SCLT1: variants seen among roughly 807,000 people sequenced by gnomAD.
The protein encoded by SCLT1 is sodium channel-associated protein 1.
A neutral mutation model predicts 112.8 loss-of-function variants in SCLT1; 78 were observed. The observed-to-expected ratio is 0.69, with a 90% CI of 0.58 to 0.83. The LOEUF is 0.83. Among genes scored for constraint, SCLT1 ranks in the 40% least tolerant of loss-of-function variants. The probability of loss-of-function intolerance (pLI) is 0.00; values close to 1 mark genes in which losing one functional copy is unlikely to be tolerated. For synonymous variants in SCLT1, 257 were observed against 254.7 expected (o/e 1.01, Z -0.09); for missense variants, 747 against 770.4 (o/e 0.97, Z 0.36).
At position 128,955,254 on chromosome 4, in the gene SCLT1, T is replaced by C. The variant is rs185041219; in HGVS notation, c.1146+1772A>G. Among the ~76,000 whole-genome samples, 133 of 152,338 alleles carry C rather than the reference T, an allele frequency of 8.7e-4. 1 individual carries two copies. In the Middle Eastern group the frequency reaches 0.031, roughly 35 times the overall value. ...TTTGAAGTCTGTAGAGGGACTAATA[T>C]CCTTCTCTCATCCTAACCTCACTTT... On this transcript the variant is annotated intron_variant, in intron 13 of 20. Coordinates refer to ENST00000281142, the MANE Select transcript of SCLT1 (RefSeq NM_144643.4).
chr4:128,895,290 T>A (rs1310657783), intron 18 of SCLT1, among the ~76,000 whole-genome samples: 3 of 152,250 alleles, frequency 2.0e-5, no homozygotes, highest in Non-Finnish European at 4.4e-5. Context: ...CTTCTTTGAG[T>A]GATAATCTTC....
At chr4:128,879,503 G>A (rs767055914), downstream of SCLT1, among the ~76,000 whole-genome samples, 20 of 152,144 alleles carry the variant, frequency 1.3e-4, no homozygotes, top group Non-Finnish European at 2.5e-4. Flanking sequence ...TTCTGGTGTT[G>A]ACCAGATCTG....
intron 14 of SCLT1, among the ~76,000 whole-genome samples, chr4:128,949,912 C>T (rs924177830): frequency 4.0e-5 from 6 of 151,042 alleles, no homozygotes; most frequent in East Asian, 1.9e-4. Flanking sequence ...CTGTACACTA[C>T]GTACTAATGA....
chr4:129,028,839 A>G (rs1746404109), intron 5 of SCLT1, among the ~76,000 whole-genome samples: 1 of 152,068 alleles, frequency 6.6e-6, no homozygotes, highest in Admixed American at 6.6e-5. Flanking sequence ...AACAAAAAAA[A>G]AACCATCCCA....
exon 5 of SCLT1, chr4:128,874,459 A>C (rs1372747553): frequency 2.0e-5 from 3 of 152,492 alleles, no homozygotes; most frequent in African/African-American, 7.2e-5. Context: ...CAAATGTTCC[A>C]AGTTATGCTG....
intron 2 of SCLT1, among the ~76,000 whole-genome samples, chr4:129,062,291 C>T (rs541137575): frequency 7.2e-5 from 11 of 152,130 alleles, no homozygotes; most frequent in East Asian, 1.9e-4. Context: ...CACTCACTCT[C>T]GGTTATTTTT....
Position 129,006,166 on chromosome 4 carries a change from TA to T in SCLT1, c.291-2291del, listed in dbSNP as rs201185207. Among the ~76,000 whole-genome samples the T allele has an allele frequency of 5.1e-3, 769 of 151,784 alleles. 4 individuals are homozygous for T. Among genetic ancestry groups the T allele is most frequent in the African/African-American group, 0.016 (668 of 41,382 alleles). On this transcript the variant is annotated intron_variant, in intron 5 of 20. Transcript: ENST00000281142. ...ATGTACCCTAAAACTTAAAGTATAA[TA>T]AAAAAAATTCATTTAATAAAAAAAT...
At chr4:129,074,320 A>G (rs1409265847) in intron 2 of SCLT1, among the ~76,000 whole-genome samples, 1 of 152,212 alleles carries the variant, frequency 6.6e-6, no homozygotes, top group Non-Finnish European at 1.5e-5. Flanking sequence ...ATTTTCTAAT[A>G]ACAATTGCTA....
chr4:129,022,826 C>A (rs1560976416), intron 5 of SCLT1, among the ~76,000 whole-genome samples: 1 of 152,074 alleles, frequency 6.6e-6, no homozygotes, highest in Non-Finnish European at 1.5e-5. Flanking sequence ...AGAAGAGCAA[C>A]CCTAAGTCAC....
At chr4:128,927,232 A>G (rs1170044225) in intron 18 of SCLT1, among the ~76,000 whole-genome samples, 1 of 152,144 alleles carries the variant, frequency 6.6e-6, no homozygotes, top group Non-Finnish European at 1.5e-5. Flanking sequence ...TTTAGAATTT[A>G]TATGAAAATG....
intron 15 of SCLT1, among the ~76,000 whole-genome samples, chr4:128,946,907 C>T (rs1428957925): frequency 6.6e-6 from 1 of 152,186 alleles, no homozygotes; most frequent in Non-Finnish European, 1.5e-5. Flanking sequence ...CTCCCTCTTA[C>T]AGCACAAGGT....
chr4:128,908,811 T>C (rs1734882666), intron 18 of SCLT1, among the ~76,000 whole-genome samples: 1 of 152,172 alleles, frequency 6.6e-6, no homozygotes, highest in African/African-American at 2.4e-5. Flanking sequence ...TCCTCTTCCA[T>C]TCCTCTCTTT....
At chr4:129,059,657 CT>C (rs1288428821) in intron 2 of SCLT1, among the ~76,000 whole-genome samples, 2 of 152,096 alleles carry the variant, frequency 1.3e-5, no homozygotes, top group Non-Finnish European at 2.9e-5. Context: ...TGTTTTTCTT[CT>C]TTTGGTACTT....
intron 18 of SCLT1, among the ~76,000 whole-genome samples, chr4:128,914,366 A>G (rs1308933163): frequency 6.6e-6 from 1 of 152,014 alleles, no homozygotes; most frequent in Non-Finnish European, 1.5e-5. Flanking sequence ...TCCGTCTCAA[A>G]AAAAAAAAGA....
intron 5 of SCLT1, among the ~76,000 whole-genome samples, chr4:129,018,051 G>A (rs751179401): frequency 1.1e-4 from 16 of 152,240 alleles, no homozygotes; most frequent in Non-Finnish European, 1.8e-4. Context: ...TGCCAGAGCT[G>A]CTGCCTGCAG....
rs576622887 is a variant in SCLT1 at position 128,925,645 on chromosome 4, C to T, written c.1829+11010G>A. Reference sequence around the variant, plus strand: ...GGCCCATTATTTCTTAAAACACTCCCACACTCCCATCCCTGCCCTCCTGGG... The same window carrying T: ...GGCCCATTATTTCTTAAAACACTCCTACACTCCCATCCCTGCCCTCCTGGG... On this transcript the variant is annotated intron_variant, in intron 18 of 20. Coordinates refer to ENST00000281142, the MANE Select transcript of SCLT1 (RefSeq NM_144643.4). Among the ~76,000 whole-genome samples, 3 of 152,198 alleles carry T rather than the reference C, an allele frequency of 2.0e-5. No individual in the cohort carries two copies. In the South Asian group the frequency reaches 6.2e-4, roughly 32 times the overall value.
At chr4:129,042,649 AT>A (rs1747799627) in intron 4 of SCLT1, among the ~76,000 whole-genome samples, 1 of 152,146 alleles carries the variant, frequency 6.6e-6, no homozygotes, top group African/African-American at 2.4e-5. Context: ...ACTGAAGAGA[AT>A]ATTTTTTTTC....
At chr4:128,903,844 T>C (rs1345187016) in intron 18 of SCLT1, among the ~76,000 whole-genome samples, 1 of 152,190 alleles carries the variant, frequency 6.6e-6, no homozygotes, top group Non-Finnish European at 1.5e-5. Context: ...CTCTTTGTTA[T>C]CTACAAGACA....
At chr4:128,966,184 C>T (rs1260871995) in intron 10 of SCLT1, among the ~76,000 whole-genome samples, 1 of 148,284 alleles carries the variant, frequency 6.7e-6, no homozygotes, top group African/African-American at 2.5e-5. Context: ...AGGCTGCACT[C>T]AAACTCCTTG....
Sources: allele counts gnomAD v4.1 joint callset (sites outside exome capture counted in the v4.1 genomes callset), GRCh38; gene constraint gnomAD v4.1.1; transcripts MANE v1.5; gene names NCBI Gene and HGNC (gene_info 2026-07-23, HGNC 2026-07-21).